TP63: variants seen among roughly 807,000 people sequenced by gnomAD.
TP63 encodes tumor protein 63.
In TP63, 17 loss-of-function variants were observed where a neutral mutation model predicts 82.8. The ratio of observed to expected loss-of-function variants is 0.21; its 90% CI spans 0.14 to 0.31. TP63 has a LOEUF of 0.31. TP63 is among the 10% of genes least tolerant of loss of function. The pLI is 1.00. For synonymous variants in TP63, 330 were observed against 321.7 expected, an observed-to-expected ratio of 1.03 and a Z score of -0.28; for missense variants, 648 against 895.3, an observed-to-expected ratio of 0.72 and a Z score of 3.52.
At chr3:189,799,366 T>C (rs772057891) in intron 3 of TP63, among the ~76,000 whole-genome samples, 1 of 152,048 alleles carries the variant, frequency 6.6e-6, no homozygotes, top group Non-Finnish European at 1.5e-5. Context: ...TTCTCTAAGC[T>C]TGTTTCTGGG....
At position 189,738,848 on chromosome 3, in the gene TP63, CAT is replaced by C. The variant is rs1341819296; in HGVS notation, c.324+75_324+76del. ...GCTCTGTTAAACCTGTCTTTTCAGT[CAT>C]GTGTGAAAAGGCAGGTGGCTCTGAA... On this transcript the variant is annotated intron_variant, in intron 3 of 13. Coordinates refer to ENST00000264731, the MANE Select transcript of TP63 (RefSeq NM_003722.5). 6 of 1,582,326 alleles carry C rather than the reference CAT, an allele frequency of 3.8e-6. No individual in the cohort carries two copies. In the African/African-American group the frequency reaches 4.0e-5, roughly 11 times the overall value.
chr3:189,739,613 G>A (rs1264843564), intron 3 of TP63, among the ~76,000 whole-genome samples: 1 of 152,094 alleles, frequency 6.6e-6, no homozygotes, highest in Non-Finnish European at 1.5e-5. Flanking sequence ...CTATACCACT[G>A]AGTCACTCGT....
chr3:189,875,665 A>G (rs1195748517), intron 10 of TP63, among the ~76,000 whole-genome samples: 1 of 130,054 alleles, frequency 7.7e-6, no homozygotes, highest in Non-Finnish European at 1.6e-5. Context: ...CTGTAGTTTG[A>G]TAGTCTGTCT....
intron 1 of TP63, among the ~76,000 whole-genome samples, chr3:189,728,999 T>A (rs1428408341): frequency 6.6e-6 from 1 of 152,032 alleles, no homozygotes; most frequent in Non-Finnish European, 1.5e-5. Flanking sequence ...GTGATTAGAT[T>A]TTTGTCAAGG....
chr3:189,721,521 G>A (rs1719390387), intron 1 of TP63, among the ~76,000 whole-genome samples: 1 of 151,880 alleles, frequency 6.6e-6, no homozygotes, highest in South Asian at 2.1e-4. Flanking sequence ...ATATTAACTG[G>A]GTGGCAAGAC....
intron 1 of TP63, among the ~76,000 whole-genome samples, chr3:189,658,929 C>T (rs4504152): frequency 0.44 from 66,780 of 151,682 alleles, 16,078 homozygotes; most frequent in Middle Eastern, 0.69. Flanking sequence ...TTGTGACAAA[C>T]GTACATACTA....
intron 4 of TP63, among the ~76,000 whole-genome samples, chr3:189,828,875 C>T (rs554458240): frequency 2.4e-4 from 37 of 152,206 alleles, no homozygotes; most frequent in African/African-American, 8.4e-4. Context: ...TTAAAGAAAA[C>T]GGAAGCATCT....
chr3:189,882,929 T>A (rs998736038), intron 10 of TP63, among the ~76,000 whole-genome samples: 3 of 152,200 alleles, frequency 2.0e-5, no homozygotes, highest in African/African-American at 7.2e-5. Context: ...ATTTTCTACA[T>A]CTCTGTTACA....
the TP63 span, among the ~76,000 whole-genome samples, chr3:189,608,178 T>C: frequency 6.6e-6 from 1 of 152,294 alleles, no homozygotes; most frequent in South Asian, 2.1e-4. Flanking sequence ...TGTGCATGTA[T>C]GTGTTGGGGT....
chr3:189,642,052 A>G (rs190078846), intron 1 of TP63, among the ~76,000 whole-genome samples: 1 of 152,330 alleles, frequency 6.6e-6, no homozygotes, highest in Non-Finnish European at 1.5e-5. Context: ...AGGGCTGGGT[A>G]GTAAATGAGT....
At chr3:189,821,082 T>C (rs535833467) in intron 4 of TP63, among the ~76,000 whole-genome samples, 23 of 152,338 alleles carry the variant, frequency 1.5e-4, no homozygotes, top group African/African-American at 5.5e-4. Flanking sequence ...GAAGGTCTCA[T>C]TAAATATCTA....
At chr3:189,892,608 C>T (rs543222324) in intron 13 of TP63, among the ~76,000 whole-genome samples, 24 of 151,998 alleles carry the variant, frequency 1.6e-4, no homozygotes, top group South Asian at 6.2e-4. Context: ...CTGGCTAACA[C>T]GGTGAAACCC....
chr3:189,880,837 C>T, intron 10 of TP63: 1 of 985,304 alleles, frequency 1.0e-6, no homozygotes, highest in Non-Finnish European at 1.2e-6. Context: ...GTAGGTAGAA[C>T]ATTTCTTAAT....
At chr3:189,778,642 T>TG (rs1447889759) in intron 3 of TP63, among the ~76,000 whole-genome samples, 1 of 152,216 alleles carries the variant, frequency 6.6e-6, no homozygotes, top group Non-Finnish European at 1.5e-5. Flanking sequence ...TGTAAGAATG[T>TG]GGATATTTTG....
At chr3:189,769,650 T>C (rs1171613453) in intron 3 of TP63, among the ~76,000 whole-genome samples, 2 of 152,176 alleles carry the variant, frequency 1.3e-5, no homozygotes, top group East Asian at 3.8e-4. Flanking sequence ...ATATACCATA[T>C]AGGATGTATC....
intron 1 of TP63, among the ~76,000 whole-genome samples, chr3:189,676,933 G>T (rs1364995253): frequency 6.6e-6 from 1 of 151,906 alleles, no homozygotes; most frequent in Non-Finnish European, 1.5e-5. Flanking sequence ...TGGACTCCTG[G>T]TATACATTGT....
intron 3 of TP63, among the ~76,000 whole-genome samples, chr3:189,765,647 A>G (rs1398366515): frequency 1.3e-5 from 2 of 151,104 alleles, no homozygotes; most frequent in Non-Finnish European, 3.0e-5. Context: ...TTTAGCCAGG[A>G]TGGTCTCGAT....
intron 3 of TP63, among the ~76,000 whole-genome samples, chr3:189,757,585 A>G (rs149386767): frequency 1.3e-5 from 2 of 152,302 alleles, no homozygotes; most frequent in Admixed American, 6.5e-5. Context: ...ATTAATCCTA[A>G]ATAGAGCAAT....
the TP63 span, among the ~76,000 whole-genome samples, chr3:189,603,334 GA>G: frequency 6.6e-6 from 1 of 152,068 alleles, no homozygotes. Flanking sequence ...ATAAGGTGAA[GA>G]AATTGGACTA....
Sources: gnomAD v4.1 joint callset for allele counts (sites outside exome capture counted in the v4.1 genomes callset) on GRCh38, gnomAD v4.1.1 for gene constraint, MANE v1.5 for transcripts, NCBI Gene and HGNC (gene_info 2026-07-23, HGNC 2026-07-21) for gene names.